ARID5B: variants seen among roughly 807,000 people sequenced by gnomAD.
ARID5B encodes AT-rich interaction domain 5B.
Under a neutral mutation model 97.2 loss-of-function variants are expected in ARID5B, and 13 were observed. The ratio of observed to expected loss-of-function variants is 0.13; its 90% CI spans 0.09 to 0.21. The LOEUF (loss-of-function observed/expected upper bound fraction) is 0.21. Ranked by LOEUF, ARID5B falls within the 10% of genes least tolerant of loss-of-function variation. The pLI is 1.00. For synonymous variants in ARID5B, 556 were observed against 570.3 expected, an observed-to-expected ratio of 0.97 and a Z score of 0.36; for missense variants, 1,210 against 1,465.3, an observed-to-expected ratio of 0.83 and a Z score of 2.84.
chr10:61,974,700 C>G (rs559114258), intron 3 of ARID5B, among the ~76,000 whole-genome samples: 12 of 152,286 alleles, frequency 7.9e-5, no homozygotes, highest in African/African-American at 2.4e-4. Flanking sequence ...AATTTACATG[C>G]GCTTTTCTCC....
chr10:62,007,670 G>C lies in ARID5B; in HGVS notation c.733+7349G>C, dbSNP rs181369032. On this transcript the variant is annotated intron_variant, in intron 4 of 9. Coordinates refer to ENST00000279873, the MANE Select transcript of ARID5B (RefSeq NM_032199.3). ...CCCAACACAACCTTAACCACATACT[G>C]GTTCTGTAGTGGTTCCTCAGAAAAC... is the stretch of plus-strand genomic sequence containing the variant. Among the ~76,000 whole-genome samples the C allele has an allele frequency of 1.6e-4, 24 of 152,206 alleles. No homozygotes were observed. In the East Asian group the frequency reaches 4.2e-3, roughly 27 times the overall value.
At chr10:62,027,315 T>C (rs1839434753) in intron 4 of ARID5B, among the ~76,000 whole-genome samples, 1 of 98,222 alleles carries the variant, frequency 1.0e-5, no homozygotes, top group Non-Finnish European at 2.1e-5. Flanking sequence ...TTTTTTTTTT[T>C]TTTTTTTTTT....
chr10:61,915,274 A>G (rs963208868), intron 2 of ARID5B, among the ~76,000 whole-genome samples: 3 of 152,214 alleles, frequency 2.0e-5, no homozygotes, highest in Non-Finnish European at 4.4e-5. Flanking sequence ...TCCTGCCGCC[A>G]TGGAGCTTAC....
At chr10:62,053,353 G>A (rs1839815799) in intron 5 of ARID5B, among the ~76,000 whole-genome samples, 1 of 152,140 alleles carries the variant, frequency 6.6e-6, no homozygotes, top group South Asian at 2.1e-4. Context: ...GTTCATGACT[G>A]GAAAAATAAG....
Position 62,004,295 on chromosome 10 carries a change from A to G in ARID5B, c.733+3974A>G, listed in dbSNP as rs1839119203. Among the ~76,000 whole-genome samples the G allele has an allele frequency of 3.9e-5, 6 of 152,210 alleles. No individual in the cohort carries two copies. In the South Asian group the frequency reaches 1.2e-3, roughly 32 times the overall value. The stretch of plus-strand genomic sequence containing the variant: ...TAATGGTAGGTGATTGAAAAGCTTC[A>G]GTCTCGACATTCTGCTTGCATTCTT... On this transcript the variant is annotated intron_variant, in intron 4 of 9. Coordinates refer to ENST00000279873, the MANE Select transcript of ARID5B (RefSeq NM_032199.3).
intron 4 of ARID5B, among the ~76,000 whole-genome samples, chr10:62,028,436 C>T (rs1187457540): frequency 6.6e-6 from 1 of 152,146 alleles, no homozygotes; most frequent in Non-Finnish European, 1.5e-5. Context: ...GTCTGTTCCC[C>T]TGTAGGGTAT....
At position 61,902,705 on chromosome 10, in the gene ARID5B, G is replaced by A. The variant is rs79319706; in HGVS notation, c.276+292G>A. On this transcript the variant is annotated intron_variant, in intron 2 of 9. Coordinates refer to ENST00000279873, the MANE Select transcript of ARID5B (RefSeq NM_032199.3). ...TGTGTGTGTGTGTGTGTGTGTGTAT[G>A]TGTGTGTGTGTGTTCATTTGCTCTC... Among the ~76,000 whole-genome samples, 1,255 of 146,074 alleles carry A rather than the reference G, an allele frequency of 8.6e-3. 15 individuals carry two copies. The highest frequency in any genetic ancestry group is 0.03 in the African/African-American group (1,205 of 39,976).
intron 3 of ARID5B, among the ~76,000 whole-genome samples, chr10:61,973,446 A>C (rs1472103771): frequency 1.3e-5 from 2 of 152,220 alleles, no homozygotes; most frequent in African/African-American, 2.4e-5. Context: ...AACTGGAAAC[A>C]TTCATTCCAC....
At chr10:62,060,047 T>C (rs1182315455) in intron 7 of ARID5B, among the ~76,000 whole-genome samples, 2 of 152,196 alleles carry the variant, frequency 1.3e-5, no homozygotes, top group South Asian at 4.1e-4. Context: ...GGGAATACTT[T>C]CTCCTCCACA....
chr10:61,975,220 G>T (rs1838682961), intron 3 of ARID5B, among the ~76,000 whole-genome samples: 1 of 152,096 alleles, frequency 6.6e-6, no homozygotes, highest in African/African-American at 2.4e-5. Flanking sequence ...ATGGTTTCTT[G>T]GGTGATACAT....
chr10:61,987,998 G>A (rs1400199796), intron 3 of ARID5B, among the ~76,000 whole-genome samples: 1 of 152,182 alleles, frequency 6.6e-6, no homozygotes, highest in Non-Finnish European at 1.5e-5. Context: ...AGGTACTTTG[G>A]GAAAGGTGGC....
At chr10:61,973,031 G>C (rs548229388) in intron 3 of ARID5B, among the ~76,000 whole-genome samples, 1 of 152,268 alleles carries the variant, frequency 6.6e-6, no homozygotes, top group East Asian at 1.9e-4. Flanking sequence ...TCTATCTCCA[G>C]CTCTCAGACT....
chr10:62,062,782 A>C (rs1839938702), intron 7 of ARID5B, among the ~76,000 whole-genome samples: 1 of 38,258 alleles, frequency 2.6e-5, no homozygotes, highest in African/African-American at 9.1e-5. Flanking sequence ...CTTTGTGCAA[A>C]AAAAAAAAAA....
At chr10:62,082,380 A>G (rs1158853743) in intron 8 of ARID5B, among the ~76,000 whole-genome samples, 1 of 152,138 alleles carries the variant, frequency 6.6e-6, no homozygotes, top group Non-Finnish European at 1.5e-5. Context: ...TAATGAATAT[A>G]TTGCTTCTCT....
At chr10:61,957,917 G>T (rs145498921) in intron 3 of ARID5B, among the ~76,000 whole-genome samples, 1 of 152,270 alleles carries the variant, frequency 6.6e-6, no homozygotes, top group East Asian at 1.9e-4. Context: ...TAAGGCCAGG[G>T]CACTATATTT....
At chr10:61,902,701 G>A (rs3834902) in intron 2 of ARID5B, among the ~76,000 whole-genome samples, 5,491 of 145,202 alleles carry the variant, frequency 0.038, 299 homozygotes, top group African/African-American at 0.13. Flanking sequence ...GTGTGTGTGT[G>A]TATGTGTGTG....
chr10:61,969,442 A>G (rs1295271176), intron 3 of ARID5B, among the ~76,000 whole-genome samples: 1 of 152,048 alleles, frequency 6.6e-6, no homozygotes, highest in Non-Finnish European at 1.5e-5. Flanking sequence ...GAGTCATGGT[A>G]ATAAGTGTCT....
chr10:61,908,276 T>C (rs1339176765), intron 2 of ARID5B, among the ~76,000 whole-genome samples: 2 of 152,234 alleles, frequency 1.3e-5, no homozygotes, highest in Non-Finnish European at 2.9e-5. Context: ...TAGTTTGCGA[T>C]GTGACCCTTT....
chr10:61,981,358 C>G (rs775900392), intron 3 of ARID5B, among the ~76,000 whole-genome samples: 1 of 152,064 alleles, frequency 6.6e-6, no homozygotes. Flanking sequence ...TTCCACTCAC[C>G]GCAATCTCTG....
Sources: allele counts gnomAD v4.1 joint callset (sites outside exome capture counted in the v4.1 genomes callset), GRCh38; gene constraint gnomAD v4.1.1; transcripts MANE v1.5; gene names NCBI Gene and HGNC (gene_info 2026-07-23, HGNC 2026-07-21).